Variants in SP140L observed in about 807,000 individuals in gnomAD.
SP140L encodes SP140 like nuclear body protein, also known as nuclear body protein SP140-like protein.
Under a neutral mutation model 84.3 loss-of-function variants are expected in SP140L, and 64 were observed. That is an observed-to-expected ratio of 0.76 (90% CI 0.62 to 0.94). The LOEUF (loss-of-function observed/expected upper bound fraction) is 0.94, where lower values mean the gene tolerates loss of function less well. Ranked by LOEUF, SP140L falls within the 40% of genes least tolerant of loss-of-function variation. The probability of loss-of-function intolerance (pLI) is 0.00; values close to 1 mark genes in which losing one functional copy is unlikely to be tolerated. For missense variants in SP140L, 628 were observed against 692.5 expected (o/e 0.91, Z 1.05); for synonymous variants, 242 against 236.9 (o/e 1.02, Z -0.20).
At chr2:230,383,812 C>T (rs1466227967) in intron 8 of SP140L, among the ~76,000 whole-genome samples, 2 of 152,130 alleles carry the variant, frequency 1.3e-5, no homozygotes, top group Non-Finnish European at 2.9e-5. Flanking sequence ...TCTTATCATC[C>T]TCAGTATGAC....
chr2:230,382,926 G>A (rs1238938858), intron 7 of SP140L, among the ~76,000 whole-genome samples: 1 of 152,250 alleles, frequency 6.6e-6, no homozygotes, highest in Non-Finnish European at 1.5e-5. Flanking sequence ...CAGACAGCCA[G>A]ATTCAGGACA....
At chr2:230,337,382 T>G (rs1381171321) in intron 2 of SP140L, among the ~76,000 whole-genome samples, 1 of 152,210 alleles carries the variant, frequency 6.6e-6, no homozygotes, top group Non-Finnish European at 1.5e-5. Context: ...TCATTGTAGA[T>G]TCTGGATATT....
At chr2:230,361,504 T>TCATGTGTAACCCG (rs994504987) in intron 4 of SP140L, 110 bp from the exon 5 acceptor site, 5 of 717,992 alleles carry the variant, frequency 7.0e-6, no homozygotes, top group African/African-American at 7.2e-5. Flanking sequence ...GAAGTTTAAG[T>TCATGTGTAACCCG]CTGACTTCTG....
Position 230,328,811 on chromosome 2 carries a change from A to G in SP140L, c.87A>G (p.Ala29=). Residue 29 remains alanine, a synonymous_variant, in exon 2 of 19, where the codon GCA becomes GCG. Transcript: ENST00000415673. The stretch of plus-strand genomic sequence containing the variant: ...CAAATGAGATGAACCATCTTCCTGC[A>G]CACAGCCAAAGTCTGCAAAGGTGAT... ...QVANEMNHLP[A]HSQSLQRLFT... 1.2e-6 allele frequency: 2 copies of G among 1,612,008 alleles called. No individual in the cohort carries two copies. Among genetic ancestry groups the G allele is most frequent in the Non-Finnish European group, 1.7e-6 (2 of 1,178,778 alleles).
intron 2 of SP140L, among the ~76,000 whole-genome samples, chr2:230,342,396 A>G (rs2060079538): frequency 2.0e-5 from 3 of 152,080 alleles, no homozygotes; most frequent in Admixed American, 6.5e-5. Flanking sequence ...ACTGTCTGGC[A>G]CTCTCTAGTG....
chr2:230,391,167 A>G (rs1339804108), intron 11 of SP140L, among the ~76,000 whole-genome samples: 4 of 152,226 alleles, frequency 2.6e-5, no homozygotes, highest in Admixed American at 1.3e-4. Flanking sequence ...GTTATAAATA[A>G]TGCTGTTTTG....
At chr2:230,391,858 T>C in intron 11 of SP140L, 1 of 477,966 alleles carries the variant, frequency 2.1e-6, no homozygotes, top group Non-Finnish European at 3.7e-6. Context: ...TAACCATCAC[T>C]CTCCTCATGG....
rs147778398 is a variant in SP140L at position 230,346,267 on chromosome 2, G to T, written c.108-11538G>T. Among the ~76,000 whole-genome samples the T allele has an allele frequency of 3.3e-4, 50 of 152,158 alleles. No homozygotes were observed. In the East Asian group the frequency reaches 8.1e-3, roughly 25 times the overall value. On this transcript the variant is annotated intron_variant, in intron 2 of 18. Coordinates refer to ENST00000415673, the MANE Select transcript of SP140L (RefSeq NM_138402.6). The stretch of plus-strand genomic sequence containing the variant: ...AAACTTTACTGTTAGTCTTATGAGG[G>T]CTCCATTTTTTGTGATAAGTTATGC...
At chr2:230,354,963 G>T (rs1352959231) in intron 2 of SP140L, among the ~76,000 whole-genome samples, 1 of 151,518 alleles carries the variant, frequency 6.6e-6, no homozygotes, top group African/African-American at 2.4e-5. Flanking sequence ...AGAAAGAAAG[G>T]GAAAGAGGTA....
chr2:230,374,000 G>A (rs2061166984), intron 7 of SP140L, among the ~76,000 whole-genome samples: 1 of 152,190 alleles, frequency 6.6e-6, no homozygotes. Context: ...CACTGTAGAT[G>A]TGATGGAAAT....
intron 5 of SP140L, among the ~76,000 whole-genome samples, chr2:230,368,726 C>T (rs2060963877): frequency 6.6e-6 from 1 of 152,038 alleles, no homozygotes; most frequent in African/African-American, 2.4e-5. Context: ...ATGATTAATT[C>T]TGATATTGAT....
In SP140L at chr2:230,388,652, A is replaced by G. The variant is rs2061684837; in HGVS notation, c.859+19A>G. ...TCAAGAGGTAAAAAAGAAAAGAGGAATGCACTTTCAATAACTAAACATCTA... is the reference window on the plus strand; with the variant it reads ...TCAAGAGGTAAAAAAGAAAAGAGGAGTGCACTTTCAATAACTAAACATCTA... On this transcript the variant is annotated intron_variant, in intron 10 of 18. Coordinates refer to ENST00000415673, the MANE Select transcript of SP140L (RefSeq NM_138402.6). 1 of 1,580,312 alleles carries G rather than the reference A, an allele frequency of 6.3e-7. No individual in the cohort carries two copies. The highest frequency in any genetic ancestry group is 8.6e-7 in the Non-Finnish European group (1 of 1,161,212).
intron 13 of SP140L, among the ~76,000 whole-genome samples, chr2:230,394,336 T>C (rs1575545818): frequency 6.6e-6 from 1 of 152,348 alleles, no homozygotes; most frequent in East Asian, 1.9e-4. Flanking sequence ...AATGTCATCC[T>C]TATGCACTTC....
chr2:230,358,980 G>T lies in SP140L; in HGVS notation c.287G>T (p.Cys96Phe). The change falls in exon 4 of 19, where the codon TGT (cysteine) becomes TTT (phenylalanine). Residue 96 changes from cysteine (C) to phenylalanine (F), a missense_variant. Around this residue, in one of 4 missense-constraint regions of SP140L, gnomAD observed 525 missense variants for 518.4 expected, o/e 1.01. Transcript: ENST00000415673. ...NKMFEDSEDS[C>F]RNLVPVQRVV... ...TTTTTAAAGGATTCTGAAGATTCTT[G>T]TAGAAACCTGGTCCCTGTACAAAGA... is the stretch of plus-strand genomic sequence containing the variant. The T allele has an allele frequency of 6.3e-7, 1 of 1,585,390 alleles. No homozygotes were observed. Among genetic ancestry groups the T allele is most frequent in the Non-Finnish European group, 8.5e-7 (1 of 1,171,782 alleles).
chr2:230,339,882 C>T (rs1178863112), intron 2 of SP140L, among the ~76,000 whole-genome samples: 1 of 148,576 alleles, frequency 6.7e-6, no homozygotes, highest in African/African-American at 2.5e-5. Context: ...AATTTCTGTT[C>T]TTTTACATTT....
intron 5 of SP140L, among the ~76,000 whole-genome samples, chr2:230,366,665 C>T (rs1440506879): frequency 1.3e-5 from 2 of 149,722 alleles, no homozygotes; most frequent in African/African-American, 4.9e-5. Context: ...GTACCTACTA[C>T]AACTATTTTG....
chr2:230,398,768 C>T (rs552422776), intron 14 of SP140L, among the ~76,000 whole-genome samples: 90 of 152,346 alleles, frequency 5.9e-4, no homozygotes, highest in African/African-American at 2.1e-3. Context: ...TGTAGGCACT[C>T]CACATAGGGC....
chr2:230,354,885 G>GAAAGAAAGAAAGAAAGAAAGAAAGAAAGA lies in SP140L; in HGVS notation c.108-2908_108-2907insAAAGAAAGAAAGAAAGAAAAGAAAGAAAG, dbSNP rs1247953230. 1.1e-4 allele frequency among the ~76,000 whole-genome samples: 14 copies of GAAAGAAAGAAAGAAAGAAAGAAAGAAAGA among 124,486 alleles called. No individual in the cohort carries two copies. In the East Asian group the frequency reaches 2.5e-3, roughly 22 times the overall value. The allele number at this position is 124,486 out of a possible 152,430, so 81.7% of individuals were successfully genotyped here. ...AGAAAGAAAGAAAGAAAGAAAGAAA[G>GAAAGAAAGAAAGAAAGAAAGAAAGAAAGA]AAAGAAAGAAAGGAAAGAGAAAGAA... On this transcript the variant is annotated intron_variant, in intron 2 of 18. Coordinates refer to ENST00000415673, the MANE Select transcript of SP140L (RefSeq NM_138402.6).
chr2:230,396,792 C>G lies in SP140L; in HGVS notation c.1191C>G (p.Asp397Glu), dbSNP rs1559462285. The change falls in exon 14 of 19, where the codon GAC becomes GAG. Residue 397 changes from aspartate (D) to glutamate (E), a missense_variant. Asp to Glu is a conservative substitution (Grantham distance 45). Around this residue, in one of 4 missense-constraint regions of SP140L, gnomAD observed 525 missense variants for 518.4 expected, o/e 1.01. Coordinates refer to ENST00000415673, the MANE Select transcript of SP140L (RefSeq NM_138402.6). Reference protein sequence around the residue: ...ILKSQNNSSVDPCMRNLDECE... With the variant: ...ILKSQNNSSVEPCMRNLDECE... ...AGTCTCAAAACAATAGCTCAGTTGA[C>G]CCTTGTGTAAGTATAAATTCTGAAC... 1 of 1,613,980 alleles carries G rather than the reference C, an allele frequency of 6.2e-7. No individual in the cohort carries two copies. The highest frequency in any genetic ancestry group is 8.5e-7 in the Non-Finnish European group (1 of 1,179,886).
Sources: allele counts gnomAD v4.1 joint callset (sites outside exome capture counted in the v4.1 genomes callset), GRCh38; gene constraint gnomAD v4.1.1; regional missense constraint gnomAD v4.1.1; transcripts MANE v1.5; gene names NCBI Gene and HGNC (gene_info 2026-07-23, HGNC 2026-07-21).